COL4A4: variants seen among roughly 807,000 people sequenced by gnomAD.
The protein encoded by COL4A4 is collagen alpha-4(IV) chain.
Under a neutral mutation model 192.9 loss-of-function variants are expected in COL4A4, and 105 were observed. The observed-to-expected ratio is 0.54, with a 90% CI of 0.46 to 0.64. The LOEUF is 0.64. Ranked by LOEUF, COL4A4 falls within the 30% of genes least tolerant of loss-of-function variation. The probability of loss-of-function intolerance (pLI) is 0.00; values close to 1 mark genes in which losing one functional copy is unlikely to be tolerated. For missense variants in COL4A4, 1,967 were observed against 2,169.3 expected (o/e 0.91, Z 1.85); for synonymous variants, 762 against 769.9 (o/e 0.99, Z 0.17).
chr2:227,041,850 G>GAA (rs1277311489), intron 37 of COL4A4, among the ~76,000 whole-genome samples: 1 of 64,086 alleles, frequency 1.6e-5, no homozygotes, highest in Non-Finnish European at 3.1e-5. Context: ...GAAAGAAAGA[G>GAA]AAAGAAAGAA....
chr2:227,021,385 A>G (rs988446923), intron 44 of COL4A4, among the ~76,000 whole-genome samples: 2 of 152,138 alleles, frequency 1.3e-5, no homozygotes, highest in East Asian at 3.9e-4. Context: ...ACCAAGCCCC[A>G]ATTCAATTGT....
intron 3 of COL4A4, 68 bp from the exon 4 acceptor site, chr2:227,140,306 T>C: frequency 7.7e-7 from 1 of 1,295,708 alleles, no homozygotes; most frequent in Non-Finnish European, 1.1e-6. Flanking sequence ...AACACATACA[T>C]TATAACAAGC....
At chr2:227,110,915 C>A (rs547194587) in intron 9 of COL4A4, among the ~76,000 whole-genome samples, 12 of 151,800 alleles carry the variant, frequency 7.9e-5, no homozygotes, top group Non-Finnish European at 1.8e-4. Flanking sequence ...CTCCTGACCT[C>A]GTGATCCACC....
chr2:226,977,798 C>T, the COL4A4 span, among the ~76,000 whole-genome samples: 1 of 152,206 alleles, frequency 6.6e-6, no homozygotes, highest in East Asian at 1.9e-4. Flanking sequence ...GGGAATTGGC[C>T]TATTGTTCTA....
the COL4A4 span, among the ~76,000 whole-genome samples, chr2:226,991,908 A>T: frequency 6.6e-6 from 1 of 152,194 alleles, no homozygotes; most frequent in Non-Finnish European, 1.5e-5. Context: ...TGTCTCCACG[A>T]GTCCCAGGCA....
At chr2:227,030,978 ACGGT>A (rs1241568437) in intron 40 of COL4A4, among the ~76,000 whole-genome samples, 1 of 144,306 alleles carries the variant, frequency 6.9e-6, no homozygotes, top group Non-Finnish European at 1.5e-5. Flanking sequence ...AGGTGGATAG[ACGGT>A]TGGATGGATA....
downstream of COL4A4, among the ~76,000 whole-genome samples, chr2:227,002,119 A>G (rs1454339737): frequency 1.4e-5 from 2 of 145,488 alleles, no homozygotes; most frequent in African/African-American, 5.1e-5. Flanking sequence ...CCAGTGAGCC[A>G]TGATTGTACC....
Position 227,103,985 on chromosome 2 carries a change from T to C in COL4A4, c.803A>G (p.Tyr268Cys), listed in dbSNP as rs372007783. ...TTTGGGAATTACCTTTTCTCCTTTATAGAGACAAAAGTCAGGTGGCTCTAC... is the reference window on the plus strand; with the variant it reads ...TTTGGGAATTACCTTTTCTCCTTTACAGAGACAAAAGTCAGGTGGCTCTAC... ...LLVEPPDFCL[Y>C]KGEKGIKGIP... is the part of the protein sequence containing the mutation. The change falls in exon 13 of 48, where the codon TAT becomes TGT. Residue 268 changes from tyrosine to cysteine, a missense_variant. Transcript: ENST00000396625. 80 of 1,613,036 alleles carry C rather than the reference T, an allele frequency of 5.0e-5. No individual in the cohort carries two copies. Among genetic ancestry groups the C allele is most frequent in the Non-Finnish European group, 3.0e-5 (35 of 1,179,532 alleles).
chr2:227,119,904 A>G lies in COL4A4; in HGVS notation c.363T>C (p.Asp121=). ...ATTTAGGGATACTTACAGGTATGCCATCTAAACCTGGAAATCCAGGAACAC... is the reference window on the plus strand; with the variant it reads ...ATTTAGGGATACTTACAGGTATGCCGTCTAAACCTGGAAATCCAGGAACAC... ...PTGVPGFPGL[D]GIPGHPGPPG... is the part of the protein sequence containing the mutation. The change falls in exon 6 of 48, where the codon GAT becomes GAC. Residue 121 remains aspartate (D), a synonymous_variant. Transcript: ENST00000396625. 1.3e-6 allele frequency: 2 copies of G among 1,588,650 alleles called. No homozygotes were observed. Among genetic ancestry groups the G allele is most frequent in the Non-Finnish European group, 1.7e-6 (2 of 1,166,386 alleles).
Position 227,007,028 on chromosome 2 carries a change from C to T in COL4A4, c.*297G>A. The T allele has an allele frequency of 2.3e-6, 1 of 433,640 alleles. No individual in the cohort carries two copies. Among genetic ancestry groups the T allele is most frequent in the Non-Finnish European group, 4.3e-6 (1 of 233,918 alleles). 26.9% of individuals were successfully genotyped at this position (433,640 alleles called of 1,614,324 possible). On this transcript the variant is annotated 3_prime_UTR_variant, in exon 48 of 48. Coordinates refer to ENST00000396625, the MANE Select transcript of COL4A4 (RefSeq NM_000092.5). ...ATGTAATTTGTAATCTGGCCTTTAT[C>T]ATCTACTTGCCTTTCTGAGAATTAG...
At chr2:227,046,813 T>A (rs1368592593) in intron 35 of COL4A4, among the ~76,000 whole-genome samples, 1 of 151,992 alleles carries the variant, frequency 6.6e-6, no homozygotes, top group African/African-American at 2.4e-5. Context: ...CTGTGGGTCA[T>A]CTAATGTAGC....
At position 227,128,233 on chromosome 2, in the gene COL4A4, G is replaced by T. The variant is rs2062204599; in HGVS notation, c.193-7085C>A. Among the ~76,000 whole-genome samples, 2 of 152,098 alleles carry T rather than the reference G, an allele frequency of 1.3e-5. 1 individual carries two copies. Among genetic ancestry groups the T allele is most frequent in the South Asian group, 4.2e-4 (2 of 4,814 alleles). Reference sequence around the variant, plus strand: ...GAGCCTGAGCCTAGCACAATGGAGGGTTCATCCACTAAATCACGCTCATGC... The same window carrying T: ...GAGCCTGAGCCTAGCACAATGGAGGTTTCATCCACTAAATCACGCTCATGC... On this transcript the variant is annotated intron_variant, in intron 4 of 47. Coordinates refer to ENST00000396625, the MANE Select transcript of COL4A4 (RefSeq NM_000092.5).
chr2:227,105,873 G>A (rs2060808648), intron 12 of COL4A4, among the ~76,000 whole-genome samples: 1 of 151,984 alleles, frequency 6.6e-6, no homozygotes, highest in South Asian at 2.1e-4. Flanking sequence ...TTTCTTCTCT[G>A]TGAAATGGAG....
chr2:227,010,443 A>C lies in COL4A4; in HGVS notation c.4392T>G (p.Gly1464=), dbSNP rs556385369. 6.2e-7 allele frequency: 1 copy of C among 1,613,702 alleles called. No homozygotes were observed. Among genetic ancestry groups the C allele is most frequent in the South Asian group, 1.1e-5 (1 of 91,000 alleles). ...GACTGTGGAGAACCAGGAGGAAGCC[A>C]CCGAGGTATCCAGGGCCAAACCCTT... ...GPKGFGPGYL[G]GFLLVLHSQT... is the part of the protein sequence containing the mutation. Residue 1464 remains glycine (G), a synonymous_variant, in exon 46 of 48, where the codon GGT becomes GGG. Transcript: ENST00000396625.
downstream of COL4A4, among the ~76,000 whole-genome samples, chr2:227,001,824 T>A (rs1320555862): frequency 6.6e-6 from 1 of 152,080 alleles, no homozygotes; most frequent in African/African-American, 2.4e-5. Context: ...GTACCCTTAT[T>A]TCTCTATCAG....
At chr2:227,130,552 T>G (rs2062385164) in intron 4 of COL4A4, among the ~76,000 whole-genome samples, 1 of 152,138 alleles carries the variant, frequency 6.6e-6, no homozygotes, top group Non-Finnish European at 1.5e-5. Context: ...GGCCCCCTCT[T>G]CCTCCTGTTT....
chr2:227,109,963 A>T (rs769625582), intron 9 of COL4A4, among the ~76,000 whole-genome samples: 6 of 152,184 alleles, frequency 3.9e-5, no homozygotes, highest in Admixed American at 6.5e-5. Context: ...AAGTATTATT[A>T]TTAATTAACA....
At chr2:227,016,422 A>G (rs1261168444) in intron 44 of COL4A4, among the ~76,000 whole-genome samples, 1 of 152,154 alleles carries the variant, frequency 6.6e-6, no homozygotes, top group Non-Finnish European at 1.5e-5. Context: ...GTGGTTGGCA[A>G]ATTACAGCCT....
chr2:227,099,521 G>A (rs530576454), intron 18 of COL4A4, 99 bp downstream of exon 18: 14 of 1,060,398 alleles, frequency 1.3e-5, no homozygotes, highest in Non-Finnish European at 1.8e-5. Flanking sequence ...AGCCTGCCTA[G>A]TGTGCAAGCT....
Sources: gnomAD v4.1 joint callset for allele counts (sites outside exome capture counted in the v4.1 genomes callset) on GRCh38, gnomAD v4.1.1 for gene constraint, MANE v1.5 for transcripts, NCBI Gene and HGNC (gene_info 2026-07-23, HGNC 2026-07-21) for gene names.